The following SLC47A2 variants were observed in gnomAD, a reference collection of about 807,000 sequenced individuals.
SLC47A2 encodes solute carrier family 47 member 2, also known as multidrug and toxin extrusion protein 2.
Under a neutral mutation model 67.7 loss-of-function variants are expected in SLC47A2, and 52 were observed. The observed-to-expected ratio is 0.77, with a 90% CI of 0.61 to 0.97. The LOEUF (loss-of-function observed/expected upper bound fraction) is 0.97. Ranked by LOEUF, SLC47A2 falls within the 50% of genes least tolerant of loss-of-function variation. The probability of loss-of-function intolerance (pLI) is 0.00; values close to 1 mark genes in which losing one functional copy is unlikely to be tolerated. For missense variants in SLC47A2, 676 were observed against 712.3 expected, an observed-to-expected ratio of 0.95 and a Z score of 0.58; for synonymous variants, 278 against 292.9, an observed-to-expected ratio of 0.95 and a Z score of 0.52.
intron 5 of SLC47A2, among the ~76,000 whole-genome samples, chr17:19,710,012 G>A (rs2086052943): frequency 6.6e-6 from 1 of 152,212 alleles, no homozygotes; most frequent in Admixed American, 6.5e-5. Context: ...CTGGCAGAGA[G>A]GTGGGTGTGG....
intron 13 of SLC47A2, 131 bp from the exon 14 acceptor site, chr17:19,681,801 C>A: frequency 2.7e-6 from 3 of 1,117,036 alleles, no homozygotes; most frequent in Admixed American, 2.7e-5. Context: ...GGATGGGTGC[C>A]CTTATCTCCC....
intron 11 of SLC47A2, among the ~76,000 whole-genome samples, chr17:19,703,750 C>G (rs8079625): frequency 0.05 from 7,636 of 152,176 alleles, 486 homozygotes; most frequent in African/African-American, 0.15. Context: ...CAGGAAGGGC[C>G]GTCAAAGAGT....
At chr17:19,684,572 T>A (rs2085379980) in intron 13 of SLC47A2, among the ~76,000 whole-genome samples, 1 of 151,560 alleles carries the variant, frequency 6.6e-6, no homozygotes, top group Non-Finnish European at 1.5e-5. Flanking sequence ...TGTAAAAGAT[T>A]AGTGTGGGCC....
intron 16 of SLC47A2, 94 bp from the exon 17 acceptor site, chr17:19,679,000 G>T: frequency 9.5e-7 from 1 of 1,053,674 alleles, no homozygotes; most frequent in Non-Finnish European, 1.4e-6. Flanking sequence ...CCACCTGGCT[G>T]TGTTTGTTAC....
rs2086138116 is a variant in SLC47A2, at chr17:19,712,813, GT to G, written c.444-69del. The G allele has an allele frequency of 5.4e-6, 8 of 1,494,588 alleles. No homozygotes were observed. In the African/African-American group the frequency reaches 5.5e-5, roughly 10 times the overall value. 92.6% of individuals were successfully genotyped at this position (1,494,588 alleles called of 1,614,324 possible). ...CCGGGGAGGCAGGGCCCTCTCCCCT[GT>G]GTCCTCCAGGACTGGGTGCTCGGCC... On this transcript the variant is annotated intron_variant, in intron 4 of 16. Transcript: ENST00000433844.
intron 13 of SLC47A2, among the ~76,000 whole-genome samples, chr17:19,699,566 T>G (rs375327667): frequency 7.5e-4 from 112 of 150,104 alleles, no homozygotes; most frequent in African/African-American, 2.6e-3. Context: ...CTCCCCCAGC[T>G]AATTTTTAAA....
chr17:19,681,318 G>T, intron 15 of SLC47A2, 49 bp downstream of exon 15: 1 of 1,454,970 alleles, frequency 6.9e-7, no homozygotes, highest in Non-Finnish European at 9.3e-7. Flanking sequence ...TCCACCTGCT[G>T]GGGTCAGGTG....
intron 10 of SLC47A2, 164 bp downstream of exon 10, chr17:19,705,272 T>A: frequency 1.7e-6 from 1 of 593,962 alleles, no homozygotes; most frequent in Non-Finnish European, 2.9e-6. Flanking sequence ...TGTGTGTGAG[T>A]CCTGGCGTAA....
chr17:19,689,696 C>CAA (rs377081377), intron 13 of SLC47A2, among the ~76,000 whole-genome samples: 7 of 81,694 alleles, frequency 8.6e-5, no homozygotes, highest in East Asian at 3.4e-4. Context: ...GACCTTGTCT[C>CAA]AAAAAAAAAA....
chr17:19,710,872 G>A (rs2086075478), intron 5 of SLC47A2, among the ~76,000 whole-genome samples: 1 of 148,380 alleles, frequency 6.7e-6, no homozygotes, highest in East Asian at 2.0e-4. Flanking sequence ...GTGCAATGGT[G>A]GGATCTCAGC....
chr17:19,702,255 A>G, intron 13 of SLC47A2: 1 of 985,318 alleles, frequency 1.0e-6, no homozygotes, highest in African/African-American at 1.7e-5. Flanking sequence ...GCAACAGGAT[A>G]TGGTTGCCAT....
At chr17:19,699,415 C>G (rs2085736965) in intron 13 of SLC47A2, among the ~76,000 whole-genome samples, 1 of 152,102 alleles carries the variant, frequency 6.6e-6, no homozygotes, top group Non-Finnish European at 1.5e-5. Context: ...GGGTCTCACT[C>G]TGTTGCCCAG....
intron 5 of SLC47A2, among the ~76,000 whole-genome samples, chr17:19,712,339 A>T (rs983612871): frequency 6.6e-6 from 1 of 152,134 alleles, no homozygotes. Flanking sequence ...GTGAGCCAAG[A>T]TTGTGCCACT....
At chr17:19,682,369 T>C (rs1386718271) in intron 13 of SLC47A2, among the ~76,000 whole-genome samples, 1 of 120,348 alleles carries the variant, frequency 8.3e-6, no homozygotes, top group Non-Finnish European at 1.8e-5. Flanking sequence ...ACACACAAAT[T>C]TATTATTTTA....
intron 15 of SLC47A2, among the ~76,000 whole-genome samples, 192 bp downstream of exon 15, chr17:19,681,175 T>C (rs192848290): frequency 6.6e-6 from 1 of 151,942 alleles, no homozygotes; most frequent in Non-Finnish European, 1.5e-5. Context: ...ATCGCGCCAC[T>C]GCACTCCAGC....
At position 19,706,643 on chromosome 17, in the gene SLC47A2, C is replaced by T. The variant is rs373531066; in HGVS notation, c.841+5G>A. 1.6e-5 allele frequency: 26 copies of T among 1,589,086 alleles called. No homozygotes were observed. In the African/African-American group the frequency reaches 2.6e-4, roughly 16 times the overall value. On this transcript the variant is annotated splice_donor_5th_base_variant and intron_variant, in intron 9 of 16. Coordinates refer to ENST00000433844, the MANE Select transcript of SLC47A2 (RefSeq NM_001099646.3). ...CCATTGCGCCCCCCATCCTCTTCCA[C>T]GTACCCATGAGGAAGCTCCCGATCT...
Position 19,681,561 on chromosome 17 carries a change from A to G in SLC47A2, c.1274T>C (p.Phe425Ser). The G allele has an allele frequency of 6.2e-7, 1 of 1,614,140 alleles. No individual in the cohort carries two copies. The highest frequency in any genetic ancestry group is 2.2e-5 in the East Asian group (1 of 44,874). Residue 425 changes from phenylalanine (F) to serine (S), a missense_variant, in exon 14 of 17, where the codon TTT (phenylalanine) becomes TCT (serine). By Grantham distance (155) the Phe-to-Ser change is radical (BLOSUM62 -2). Transcript: ENST00000433844. ...IGLPLGILLT[F>S]VVRMRIMGLW... ...ACCCATGATTCTCATTCTGACCACA[A>G]AGGTCAGAAGGATGCCCAGTGGTAG...
chr17:19,706,452 G>A (rs536167038), intron 9 of SLC47A2, among the ~76,000 whole-genome samples, 196 bp downstream of exon 9: 6 of 152,338 alleles, frequency 3.9e-5, no homozygotes, highest in Non-Finnish European at 7.4e-5. Flanking sequence ...AGCAACAGAC[G>A]GATCAGCCCC....
chr17:19,683,221 C>T (rs78819872), intron 13 of SLC47A2, among the ~76,000 whole-genome samples: 3,473 of 152,170 alleles, frequency 0.023, 71 homozygotes, highest in African/African-American at 0.052. Context: ...TTTGTTGTGA[C>T]AACTGTGGGG....
Sources: gnomAD v4.1 joint callset for allele counts (sites outside exome capture counted in the v4.1 genomes callset) on GRCh38, gnomAD v4.1.1 for gene constraint, MANE v1.5 for transcripts, NCBI Gene and HGNC (gene_info 2026-07-23, HGNC 2026-07-21) for gene names.